CD84: variants seen among roughly 807,000 people sequenced by gnomAD.
CD84 encodes SLAM family member 5.
In CD84, 22 loss-of-function variants were observed where a neutral mutation model predicts 33.8. The ratio of observed to expected loss-of-function variants is 0.65; its 90% CI spans 0.46 to 0.93. The LOEUF is 0.93. CD84 is among the 40% of genes least tolerant of loss of function. The probability of loss-of-function intolerance (pLI) is 0.00; values close to 1 mark genes in which losing one functional copy is unlikely to be tolerated. For synonymous variants in CD84, 154 were observed against 145.2 expected (o/e 1.06, Z -0.44); for missense variants, 400 against 397.6 (o/e 1.01, Z -0.05).
intron 2 of CD84, among the ~76,000 whole-genome samples, chr1:160,561,556 A>G (rs1203392286): frequency 6.6e-6 from 1 of 152,240 alleles, no homozygotes; most frequent in Non-Finnish European, 1.5e-5. Context: ...CGCCAATATC[A>G]TACTGAATGG....
chr1:160,561,893 T>G (rs1656997562), intron 2 of CD84, among the ~76,000 whole-genome samples: 1 of 151,918 alleles, frequency 6.6e-6, no homozygotes, highest in Admixed American at 6.6e-5. Context: ...AGCCAAATAA[T>G]TAATGAACTC....
rs1655935617 is a variant in CD84, at chr1:160,548,038, T to C, written c.*218A>G. On this transcript the variant is annotated 3_prime_UTR_variant, in exon 7 of 7. Coordinates refer to ENST00000368054, the MANE Select transcript of CD84 (RefSeq NM_003874.4). ...TATACTAGGTAACCTGCTTTGTCAT[T>C]CATTCAGAAGGGAGTCATTTCAGGA... The C allele has an allele frequency of 1.7e-6, 1 of 576,666 alleles. No individual in the cohort carries two copies. Among genetic ancestry groups the C allele is most frequent in the South Asian group, 2.1e-5 (1 of 48,756 alleles). The allele number at this position is 576,666 out of a possible 1,614,324, so 35.7% of individuals were successfully genotyped here.
chr1:160,562,883 C>A (rs1315601929), intron 2 of CD84, among the ~76,000 whole-genome samples: 2 of 150,872 alleles, frequency 1.3e-5, no homozygotes, highest in African/African-American at 4.9e-5. Flanking sequence ...AAGGAAAAAA[C>A]AAACAGAAAA....
rs567829272 is a variant in CD84, at chr1:160,564,492, C to T, written c.388+912G>A. ...TCACAGCAGCTTTATTTGTAATAGC[C>T]CCAAACTGGAAAGAACTAAAATGTT... On this transcript the variant is annotated intron_variant, in intron 2 of 6. Coordinates refer to ENST00000368054, the MANE Select transcript of CD84 (RefSeq NM_003874.4). 5.9e-5 allele frequency among the ~76,000 whole-genome samples: 9 copies of T among 152,210 alleles called. No individual in the cohort carries two copies. In the South Asian group the frequency reaches 1.9e-3, roughly 32 times the overall value.
At chr1:160,569,538 A>ACACACACG (rs1553233848) in intron 1 of CD84, among the ~76,000 whole-genome samples, 2 of 88,158 alleles carry the variant, frequency 2.3e-5, no homozygotes, top group African/African-American at 7.2e-5. Context: ...ACACACACAC[A>ACACACACG]CACGCACGCA....
At chr1:160,559,770 A>C (rs1656832422) in intron 2 of CD84, among the ~76,000 whole-genome samples, 1 of 152,188 alleles carries the variant, frequency 6.6e-6, no homozygotes, top group Admixed American at 6.5e-5. Flanking sequence ...GGCTCAAAAT[A>C]AAGGGATAGG....
intron 2 of CD84, among the ~76,000 whole-genome samples, chr1:160,554,778 T>C (rs541221266): frequency 1.3e-5 from 2 of 152,332 alleles, no homozygotes; most frequent in South Asian, 4.1e-4. Flanking sequence ...GTTGGAACTA[T>C]ACTCATACAT....
rs1347003969 is a variant in CD84 at position 160,561,124 on chromosome 1, T to C, written c.388+4280A>G. Among the ~76,000 whole-genome samples, 3 of 152,286 alleles carry C rather than the reference T, an allele frequency of 2.0e-5. No homozygotes were observed. In the East Asian group the frequency reaches 5.8e-4, roughly 29 times the overall value. ...CTGGCATAATTTCTACTAAAATTAT[T>C]CCAAAAAATTGAAAAGGAGGAACTC... On this transcript the variant is annotated intron_variant, in intron 2 of 6. Coordinates refer to ENST00000368054, the MANE Select transcript of CD84 (RefSeq NM_003874.4).
chr1:160,557,779 C>T (rs971273999), intron 2 of CD84, among the ~76,000 whole-genome samples: 1 of 152,202 alleles, frequency 6.6e-6, no homozygotes, highest in African/African-American at 2.4e-5. Context: ...GGGGCGTCTG[C>T]CATCTCTGTG....
chr1:160,555,594 G>C (rs1656557721), intron 2 of CD84, among the ~76,000 whole-genome samples: 1 of 152,194 alleles, frequency 6.6e-6, no homozygotes, highest in Non-Finnish European at 1.5e-5. Context: ...GCTAGGACTG[G>C]AGCTGGCATG....
chr1:160,578,279 CCTTGT>C (rs1658092540), intron 1 of CD84, among the ~76,000 whole-genome samples: 1 of 152,144 alleles, frequency 6.6e-6, no homozygotes, highest in African/African-American at 2.4e-5. Flanking sequence ...TCAAATGCTA[CCTTGT>C]CTGGTCTCTC....
At chr1:160,570,674 A>T (rs904022588) in intron 1 of CD84, among the ~76,000 whole-genome samples, 2 of 152,116 alleles carry the variant, frequency 1.3e-5, no homozygotes, top group Non-Finnish European at 2.9e-5. Context: ...CAGCCTGGGT[A>T]ACATGGCAAA....
intron 6 of CD84, among the ~76,000 whole-genome samples, chr1:160,549,285 C>T (rs1342353515): frequency 2.0e-5 from 3 of 152,136 alleles, no homozygotes; most frequent in Admixed American, 6.5e-5. Context: ...ACTTAGAAAA[C>T]ATGATTCTTT....
intron 1 of CD84, chr1:160,571,088 A>G (rs1657666547): frequency 6.6e-6 from 1 of 152,060 alleles, no homozygotes; most frequent in African/African-American, 2.4e-5. Flanking sequence ...CCAACTCCGC[A>G]CTTTTTTACA....
At chr1:160,552,409 A>G (rs77182352) in intron 4 of CD84, among the ~76,000 whole-genome samples, 1 of 152,324 alleles carries the variant, frequency 6.6e-6, no homozygotes, top group African/African-American at 2.4e-5. Flanking sequence ...TCAGTATACT[A>G]GCTAACATTT....
chr1:160,547,113 C>T lies in CD84; in HGVS notation c.*1143G>A. 2.5e-6 allele frequency: 1 copy of T among 398,968 alleles called. No individual in the cohort carries two copies. Among genetic ancestry groups the T allele is most frequent in the Non-Finnish European group, 4.4e-6 (1 of 226,086 alleles). 24.7% of individuals were successfully genotyped at this position (398,968 alleles called of 1,614,324 possible). A position where few individuals can be genotyped will look rare whatever the true frequency, so the allele number is the denominator to read the frequency against. On this transcript the variant is annotated 3_prime_UTR_variant, in exon 7 of 7. Coordinates refer to ENST00000368054, the MANE Select transcript of CD84 (RefSeq NM_003874.4). ...TGAGGAGAGTTAATGCCTGTGTAAG[C>T]TGGCTGGTGATCTGTTTGTGGGGCA...
chr1:160,561,718 A>C (rs1268455890), intron 2 of CD84, among the ~76,000 whole-genome samples: 2 of 152,230 alleles, frequency 1.3e-5, no homozygotes, highest in Non-Finnish European at 2.9e-5. Context: ...AGAGGAAGTC[A>C]AACTGTCTCC....
intron 1 of CD84, 24 bp downstream of exon 1, chr1:160,579,368 C>T (rs58404992): frequency 2.2e-4 from 348 of 1,612,780 alleles, no homozygotes; most frequent in African/African-American, 9.3e-5. Context: ...AACTAGGAGG[C>T]GATCAGCAAG....
In CD84 at chr1:160,548,327, C is replaced by G; in HGVS notation, c.922-6G>C. 1 of 1,614,148 alleles carries G rather than the reference C, an allele frequency of 6.2e-7. No individual in the cohort carries two copies. The highest frequency in any genetic ancestry group is 8.5e-7 in the Non-Finnish European group (1 of 1,180,002). On this transcript the variant is annotated splice_region_variant and splice_polypyrimidine_tract_variant and intron_variant, in intron 6 of 6. Transcript: ENST00000368054. ...TGTGTGCTGGCTTTCCCCATCTGTG[C>G]AGGAGAGAAGCGTGAGAAAATGTTA...
Sources: gnomAD v4.1 joint callset for allele counts (sites outside exome capture counted in the v4.1 genomes callset) on GRCh38, gnomAD v4.1.1 for gene constraint, MANE v1.5 for transcripts, NCBI Gene and HGNC (gene_info 2026-07-23, HGNC 2026-07-21) for gene names.